The following PCM1 variants were observed in gnomAD, a reference collection of about 807,000 sequenced individuals.
PCM1 encodes the protein pericentriolar material 1 protein.
Under a neutral mutation model 241.9 loss-of-function variants are expected in PCM1, and 157 were observed. That is an observed-to-expected ratio of 0.65 (90% CI 0.57 to 0.74). The LOEUF (loss-of-function observed/expected upper bound fraction) is 0.74, where lower values mean the gene tolerates loss of function less well. PCM1 is among the 30% of genes least tolerant of loss of function. The pLI is 0.00. For missense variants in PCM1, 3,478 were observed against 2,360.1 expected (o/e 1.47, Z -9.81); for synonymous variants, 1,085 against 784.9 (o/e 1.38, Z -6.39).
intron 15 of PCM1, 89 bp downstream of exon 15, chr8:17,960,533 C>CATTTTTTTTTTT: frequency 3.3e-6 from 2 of 602,586 alleles, no homozygotes; most frequent in Non-Finnish European, 5.1e-6. Flanking sequence ...TTTTGTTTTT[C>CATTTTTTTTTTT]TTTTTTTTTG....
chr8:17,924,065 G>C (rs2055808679), intron 1 of PCM1, among the ~76,000 whole-genome samples: 1 of 151,656 alleles, frequency 6.6e-6, no homozygotes, highest in Non-Finnish European at 1.5e-5. Flanking sequence ...GTTCGTGTTT[G>C]GGCGCTGGAA....
At chr8:17,993,798 T>C (rs1408689590) in intron 29 of PCM1, among the ~76,000 whole-genome samples, 179 bp downstream of exon 29, 2 of 152,088 alleles carry the variant, frequency 1.3e-5, no homozygotes, top group Non-Finnish European at 2.9e-5. Context: ...TTTATACACA[T>C]GTGCATATTC....
rs548938210 is a variant in PCM1 at position 18,026,906 on chromosome 8, T to G, written c.6050-731T>G. ...ACGCTTACATTTTGTTTTCGTAATA[T>G]AATTAAATGGTTCTATACCTTCTCT... On this transcript the variant is annotated intron_variant, in intron 38 of 38. Coordinates refer to ENST00000325083, the MANE Select transcript of PCM1 (RefSeq NM_006197.4). Among the ~76,000 whole-genome samples the G allele has an allele frequency of 9.7e-4, 148 of 152,352 alleles. 1 individual carries two copies. Among genetic ancestry groups the G allele is most frequent in the African/African-American group, 3.4e-3 (141 of 41,588 alleles).
chr8:17,968,643 T>G (rs986702101), intron 21 of PCM1, among the ~76,000 whole-genome samples: 2 of 151,868 alleles, frequency 1.3e-5, no homozygotes, highest in Non-Finnish European at 2.9e-5. Context: ...TATATATATA[T>G]AATCACAATA....
intron 28 of PCM1, among the ~76,000 whole-genome samples, chr8:17,992,197 A>G (rs1453312754): frequency 6.6e-6 from 1 of 152,248 alleles, no homozygotes; most frequent in East Asian, 1.9e-4. Flanking sequence ...TTGTGCTGCT[A>G]TAAACATGCA....
chr8:17,951,246 G>A (rs997073196), intron 8 of PCM1, among the ~76,000 whole-genome samples: 1 of 152,162 alleles, frequency 6.6e-6, no homozygotes, highest in Non-Finnish European at 1.5e-5. Flanking sequence ...CAATATGGGG[G>A]CCTTGGGTAA....
At chr8:17,934,330 C>T (rs1249255400) in intron 2 of PCM1, among the ~76,000 whole-genome samples, 5 of 150,946 alleles carry the variant, frequency 3.3e-5, no homozygotes, top group East Asian at 2.0e-4. Flanking sequence ...GGTGCAGTCT[C>T]GGCTCACTGC....
intron 30 of PCM1, among the ~76,000 whole-genome samples, chr8:18,007,409 A>G (rs2129484558): frequency 6.6e-6 from 1 of 152,338 alleles, no homozygotes; most frequent in South Asian, 2.1e-4. Flanking sequence ...CTAACAGATA[A>G]TTTCTAAGGA....
At chr8:18,021,253 T>C (rs73666810) in intron 36 of PCM1, among the ~76,000 whole-genome samples, 1,687 of 152,258 alleles carry the variant, frequency 0.011, 36 homozygotes, top group African/African-American at 0.038. Context: ...CCCTGCACTC[T>C]ACAAACCATC....
At chr8:17,959,110 G>C (rs1451054826) in intron 13 of PCM1, among the ~76,000 whole-genome samples, 2 of 151,902 alleles carry the variant, frequency 1.3e-5, no homozygotes, top group Non-Finnish European at 2.9e-5. Context: ...ACATCACTAT[G>C]CACCTATTTT....
At chr8:17,970,862 A>G (rs976711094) in intron 22 of PCM1, among the ~76,000 whole-genome samples, 2 of 152,292 alleles carry the variant, frequency 1.3e-5, no homozygotes, top group South Asian at 2.1e-4. Context: ...CATTTCCCAA[A>G]ATCTCAACTA....
Position 17,957,551 on chromosome 8 carries a change from A to C in PCM1, c.1816A>C (p.Asn606His). ...NMPPSLDCRY[N>H]REGEQEIHVA... ...CATGTTTTCAGCAGATTGTCGATAT[A>C]ATAGAGAAGGGGAACAGGAGATTCA... is the stretch of plus-strand genomic sequence containing the variant. Residue 606 changes from asparagine (N) to histidine (H), a missense_variant, in exon 13 of 39, where the codon AAT becomes CAT. Coordinates refer to ENST00000325083, the MANE Select transcript of PCM1 (RefSeq NM_006197.4). 1 of 1,582,144 alleles carries C rather than the reference A, an allele frequency of 6.3e-7. No individual in the cohort carries two copies.
chr8:18,022,979 A>C (rs567473297), intron 36 of PCM1, among the ~76,000 whole-genome samples: 2 of 152,260 alleles, frequency 1.3e-5, no homozygotes, highest in Admixed American at 1.3e-4. Flanking sequence ...TGTGTAATAC[A>C]TAGAAGTGTT....
chr8:18,010,176 G>A (rs528771466), intron 31 of PCM1, among the ~76,000 whole-genome samples: 30 of 152,164 alleles, frequency 2.0e-4, no homozygotes, highest in Non-Finnish European at 4.4e-4. Context: ...TTACCTCCCT[G>A]TAGTTTGTTC....
intron 6 of PCM1, among the ~76,000 whole-genome samples, chr8:17,941,468 C>A (rs890990353): frequency 6.7e-6 from 1 of 150,348 alleles, no homozygotes; most frequent in African/African-American, 2.4e-5. Flanking sequence ...GTCTAGTCTA[C>A]AGAAAACTTA....
At chr8:17,974,334 T>A (rs1053265718) in intron 23 of PCM1, among the ~76,000 whole-genome samples, 1 of 152,214 alleles carries the variant, frequency 6.6e-6, no homozygotes, top group Non-Finnish European at 1.5e-5. Context: ...CTCACAGAGA[T>A]GCTCTTTGTC....
chr8:18,024,426 G>A (rs1323553071), intron 36 of PCM1, among the ~76,000 whole-genome samples: 2 of 152,052 alleles, frequency 1.3e-5, no homozygotes, highest in East Asian at 1.9e-4. Context: ...TAGAAAGGGG[G>A]CTTATAATCT....
In PCM1 at chr8:17,931,553, T is replaced by A. The variant is rs190016435; in HGVS notation, c.-22-4036T>A. On this transcript the variant is annotated intron_variant, in intron 2 of 38. Coordinates refer to ENST00000325083, the MANE Select transcript of PCM1 (RefSeq NM_006197.4). Reference sequence around the variant, plus strand: ...AACGCCGACCTTGGCCCAGATATATTCTTAATACATTTATCTTACTTTACT... The same window carrying A: ...AACGCCGACCTTGGCCCAGATATATACTTAATACATTTATCTTACTTTACT... 1.2e-4 allele frequency among the ~76,000 whole-genome samples: 19 copies of A among 152,272 alleles called. No individual in the cohort carries two copies. In the East Asian group the frequency reaches 2.5e-3, roughly 20 times the overall value.
intron 2 of PCM1, chr8:17,925,792 G>A (rs548805224): frequency 1.3e-5 from 2 of 152,274 alleles, no homozygotes; most frequent in Admixed American, 1.3e-4. Context: ...AGCCAAGATT[G>A]TGCCACTGCA....
Sources: gnomAD v4.1 joint callset for allele counts (sites outside exome capture counted in the v4.1 genomes callset) on GRCh38, gnomAD v4.1.1 for gene constraint, MANE v1.5 for transcripts, NCBI Gene and HGNC (gene_info 2026-07-23, HGNC 2026-07-21) for gene names.